ESRRB: variants seen among roughly 807,000 people sequenced by gnomAD.
ESRRB encodes the protein estrogen related receptor beta.
ESRRB carries 16 observed loss-of-function variants against 46.0 expected under a neutral mutation model. The observed-to-expected ratio is 0.35, with a 90% CI of 0.24 to 0.53. The LOEUF is 0.53. Among genes scored for constraint, ESRRB ranks in the 20% least tolerant of loss-of-function variants. The pLI is 0.93. For synonymous variants in ESRRB, 246 were observed against 259.6 expected (o/e 0.95, Z 0.50); for missense variants, 488 against 607.4 (o/e 0.80, Z 2.07).
intron 1 of ESRRB, among the ~76,000 whole-genome samples, chr14:76,332,826 ATTT>A (rs1566853466): frequency 2.6e-4 from 3 of 11,522 alleles, no homozygotes; most frequent in Non-Finnish European, 4.7e-4. Context: ...ATATTTATAT[ATTT>A]ATATATTATA....
At position 76,338,291 on chromosome 14, in the gene ESRRB, T is replaced by A. The variant is rs181662384; in HGVS notation, c.2+27375T>A. On this transcript the variant is annotated intron_variant, in intron 1 of 6. Coordinates refer to the ESRRB transcript ENST00000512784. The stretch of plus-strand genomic sequence containing the variant: ...GCCCTGGCTCCAGCCCGGGTGGGCA[T>A]GGAGCGAGCACCCAGGCACCCTGGC... Among the ~76,000 whole-genome samples the A allele has an allele frequency of 3.9e-5, 6 of 152,286 alleles. No individual in the cohort carries two copies. In the East Asian group the frequency reaches 1.2e-3, roughly 29 times the overall value.
chr14:76,356,818 T>A (rs1422179246), intron 1 of ESRRB, among the ~76,000 whole-genome samples: 2 of 152,210 alleles, frequency 1.3e-5, no homozygotes, highest in African/African-American at 4.8e-5. Context: ...CGAGGCTGGA[T>A]TCTCCTGTGG....
At chr14:76,431,887 C>T (rs1487254827) in intron 1 of ESRRB, among the ~76,000 whole-genome samples, 1 of 152,192 alleles carries the variant, frequency 6.6e-6, no homozygotes, top group Non-Finnish European at 1.5e-5. Context: ...CCTCATCCTG[C>T]AGCAGCTACT....
intron 3 of ESRRB, among the ~76,000 whole-genome samples, chr14:76,472,234 T>C (rs1241503138): frequency 1.3e-5 from 2 of 152,156 alleles, no homozygotes; most frequent in African/African-American, 4.8e-5. Flanking sequence ...GCGTACAGTT[T>C]TGGAGACTTC....
intron 1 of ESRRB, among the ~76,000 whole-genome samples, chr14:76,318,211 A>G (rs1485078845): frequency 2.6e-5 from 4 of 152,106 alleles, no homozygotes; most frequent in East Asian, 1.9e-4. Context: ...GAGGCCCAAC[A>G]CCTGGGCTCC....
At chr14:76,399,205 C>T (rs1022489087) in intron 1 of ESRRB, among the ~76,000 whole-genome samples, 4 of 152,018 alleles carry the variant, frequency 2.6e-5, no homozygotes, top group South Asian at 2.1e-4. Context: ...TTTTAACCAG[C>T]GCGTATATAT....
intron 1 of ESRRB, among the ~76,000 whole-genome samples, chr14:76,408,027 T>A (rs899781549): frequency 4.6e-5 from 7 of 152,060 alleles, no homozygotes; most frequent in African/African-American, 1.7e-4. Flanking sequence ...GGCCAGTCTT[T>A]GAGGACACAG....
At chr14:76,391,872 C>A (rs139113637) in intron 1 of ESRRB, among the ~76,000 whole-genome samples, 27 of 152,258 alleles carry the variant, frequency 1.8e-4, no homozygotes, top group African/African-American at 5.8e-4. Context: ...CCACACATAG[C>A]TGGGGCATGG....
intron 5 of ESRRB, among the ~76,000 whole-genome samples, chr14:76,488,080 T>C (rs918187546): frequency 6.6e-6 from 1 of 152,198 alleles, no homozygotes; most frequent in Non-Finnish European, 1.5e-5. Flanking sequence ...CCTCTATCCC[T>C]GTCCCCTCCC....
rs151021182 is a variant in ESRRB at position 76,485,626 on chromosome 14, TGAGAGAGAGAGAGAGAGA to T, written c.850+2884_850+2901del. On this transcript the variant is annotated intron_variant, in intron 5 of 6. Coordinates refer to ENST00000644823, the MANE Select transcript of ESRRB (RefSeq NM_001379180.1). The stretch of plus-strand genomic sequence containing the variant: ...CATCTGAAGATGGGCTCCCTATCCC[TGAGAGAGAGAGAGAGAGA>T]GAGAGAGAGAGAGAGAAAGAAAGAG... Among the ~76,000 whole-genome samples, 20 of 143,944 alleles carry T rather than the reference TGAGAGAGAGAGAGAGAGA, an allele frequency of 1.4e-4. No homozygotes were observed. In the East Asian group the frequency reaches 4.3e-3, roughly 31 times the overall value. The allele number at this position is 143,944 out of a possible 152,430, so 94.4% of individuals were successfully genotyped here.
rs145732342 is a variant in ESRRB, at chr14:76,376,860, G to A, written c.50+409G>A. Among the ~76,000 whole-genome samples the A allele has an allele frequency of 6.6e-6, 1 of 152,178 alleles. No homozygotes were observed. Among genetic ancestry groups the A allele is most frequent in the African/African-American group, 2.4e-5 (1 of 41,428 alleles). On this transcript the variant is annotated intron_variant, in intron 1 of 6. Coordinates refer to ENST00000644823, the MANE Select transcript of ESRRB (RefSeq NM_001379180.1). This position sits in a 1 kb window ranked among gnomAD's most constrained non-coding sequence, Gnocchi z 4.1. ...TCCCGTCAGAGAAAGCCTTTCCCGCGGGCGCTTTGTTTTATTATTTCCATC... is the reference window on the plus strand; with the variant it reads ...TCCCGTCAGAGAAAGCCTTTCCCGCAGGCGCTTTGTTTTATTATTTCCATC...
chr14:76,401,824 G>A (rs1210683003), intron 1 of ESRRB, among the ~76,000 whole-genome samples: 1 of 152,182 alleles, frequency 6.6e-6, no homozygotes, highest in Non-Finnish European at 1.5e-5. Context: ...GGATGACTGT[G>A]TGTGTATATA....
chr14:76,349,176 G>A (rs79549127), intron 1 of ESRRB, among the ~76,000 whole-genome samples: 2,554 of 152,320 alleles, frequency 0.017, 73 homozygotes, highest in African/African-American at 0.059. Context: ...AGCGAGGGCT[G>A]GCGGGGCAGC....
intron 1 of ESRRB, among the ~76,000 whole-genome samples, chr14:76,336,811 A>G (rs1031589486): frequency 1.8e-4 from 28 of 152,208 alleles, no homozygotes; most frequent in African/African-American, 6.8e-4. Context: ...TGAACAAGAC[A>G]GACAAAAGTC....
chr14:76,428,202 T>C (rs1039456223), intron 1 of ESRRB, among the ~76,000 whole-genome samples: 1 of 152,148 alleles, frequency 6.6e-6, no homozygotes, highest in African/African-American at 2.4e-5. Flanking sequence ...TTCTCCATGT[T>C]GGTCAGGCTG....
intron 1 of ESRRB, among the ~76,000 whole-genome samples, chr14:76,349,967 T>C (rs746253754): frequency 3.3e-4 from 50 of 152,308 alleles, no homozygotes; most frequent in Non-Finnish European, 6.2e-4. Context: ...TCAGGCTTAC[T>C]ATTCTCTCTG....
intron 1 of ESRRB, among the ~76,000 whole-genome samples, chr14:76,352,407 G>A (rs1219744971): frequency 1.3e-5 from 2 of 152,200 alleles, no homozygotes; most frequent in Non-Finnish European, 2.9e-5. Flanking sequence ...AAGCGGGAAC[G>A]TATCTACTCA....
chr14:76,376,651 G>T lies in ESRRB; in HGVS notation c.50+200G>T, dbSNP rs116295703. ...ATAAACCCTCCTCTAACTTTTTCCC[G>T]CACCCCCTTTTACAAATCCACACTT... On this transcript the variant is annotated intron_variant, in intron 1 of 6. Coordinates refer to ENST00000644823, the MANE Select transcript of ESRRB (RefSeq NM_001379180.1). This position sits in a 1 kb window ranked among gnomAD's most constrained non-coding sequence, Gnocchi z 4.1. Among the ~76,000 whole-genome samples the T allele has an allele frequency of 0.013, 2,035 of 152,184 alleles. 48 individuals are homozygous for T. The highest frequency in any genetic ancestry group is 0.047 in the African/African-American group (1,932 of 41,528).
chr14:76,390,559 G>C (rs1885425796), intron 1 of ESRRB, among the ~76,000 whole-genome samples: 1 of 152,160 alleles, frequency 6.6e-6, no homozygotes, highest in Admixed American at 6.5e-5. Flanking sequence ...GTACACAGTA[G>C]GTGCTCAATA....
Sources: gnomAD v4.1 joint callset for allele counts (sites outside exome capture counted in the v4.1 genomes callset) on GRCh38, gnomAD v4.1.1 for gene constraint, Gnocchi (gnomAD v3.1) non-coding constraint, MANE v1.5 for transcripts, NCBI Gene and HGNC (gene_info 2026-07-23, HGNC 2026-07-21) for gene names.